TTC7B: variants seen among roughly 807,000 people sequenced by gnomAD.
TTC7B encodes the protein tetratricopeptide repeat protein 7B.
TTC7B carries 28 observed loss-of-function variants against 106.8 expected under a neutral mutation model. The ratio of observed to expected loss-of-function variants is 0.26; its 90% CI spans 0.19 to 0.36. The LOEUF (loss-of-function observed/expected upper bound fraction) is 0.36. TTC7B is among the 10% of genes least tolerant of loss of function. The pLI is 1.00. For synonymous variants in TTC7B, 405 were observed against 430.6 expected (o/e 0.94, Z 0.74); for missense variants, 862 against 1,076.4 (o/e 0.80, Z 2.79).
At chr14:90,795,239 T>G (rs75008131) in intron 1 of TTC7B, among the ~76,000 whole-genome samples, 5 of 150,874 alleles carry the variant, frequency 3.3e-5, no homozygotes, top group Admixed American at 1.3e-4. Context: ...AAAAAAAAAA[T>G]GTTTTCAAGA....
rs1472118064 is a variant in TTC7B, at chr14:90,759,660, C to T, written c.446-14738G>A. ...GAACCAGCTCGTCGGTGAGTGTAGGCAGAAGAGGCATTAGACACAAGAGTA... is the reference window on the plus strand; with the variant it reads ...GAACCAGCTCGTCGGTGAGTGTAGGTAGAAGAGGCATTAGACACAAGAGTA... On this transcript the variant is annotated intron_variant, in intron 3 of 19. Transcript: ENST00000328459. The surrounding 1 kb of genome is among the most constrained non-coding windows in gnomAD (Gnocchi z 4.1). 6.6e-6 allele frequency among the ~76,000 whole-genome samples: 1 copy of T among 152,190 alleles called. No individual in the cohort carries two copies. Among genetic ancestry groups the T allele is most frequent in the Non-Finnish European group, 1.5e-5 (1 of 68,030 alleles).
At chr14:90,736,138 A>G (rs929213878) in intron 4 of TTC7B, among the ~76,000 whole-genome samples, 29 of 150,994 alleles carry the variant, frequency 1.9e-4, no homozygotes, top group Non-Finnish European at 2.5e-4. Flanking sequence ...ATTGAGAAAA[A>G]TTAATTTAGA....
In TTC7B at chr14:90,760,005, G is replaced by A. The variant is rs990654139; in HGVS notation, c.446-15083C>T. The stretch of plus-strand genomic sequence containing the variant: ...ATTTAATGAATTAATTAATTATACA[G>A]TCTAGTTTGAGAGAGGCAAATGGCA... On this transcript the variant is annotated intron_variant, in intron 3 of 19. Transcript: ENST00000328459. Among the ~76,000 whole-genome samples the A allele has an allele frequency of 9.2e-5, 14 of 152,298 alleles. No individual in the cohort carries two copies. The South Asian group carries it at 2.3e-3, about 25-fold the overall frequency.
At chr14:90,812,992 A>G (rs73334512) in intron 1 of TTC7B, among the ~76,000 whole-genome samples, 1,911 of 152,220 alleles carry the variant, frequency 0.013, 56 homozygotes, top group African/African-American at 0.043. Context: ...GAGCTTTGGG[A>G]AGGAGGGATT....
In TTC7B at chr14:90,717,080, C is replaced by T. The variant is rs544225252; in HGVS notation, c.698+12995G>A. ...TCCAGCCAGGCGTGGTGACTCACGC[C>T]TGTAATCCCAGCACTTTGGGAGGCC... On this transcript the variant is annotated intron_variant, in intron 5 of 19. Coordinates refer to ENST00000328459, the MANE Select transcript of TTC7B (RefSeq NM_001010854.2). Among the ~76,000 whole-genome samples, 19 of 152,316 alleles carry T rather than the reference C, an allele frequency of 1.2e-4. No individual in the cohort carries two copies. The East Asian group carries it at 3.5e-3, about 28-fold the overall frequency.
intron 15 of TTC7B, among the ~76,000 whole-genome samples, chr14:90,622,155 T>A (rs1164413050): frequency 1.3e-5 from 2 of 151,554 alleles, no homozygotes; most frequent in Middle Eastern, 3.4e-3. Flanking sequence ...TCCCACTCTG[T>A]TGCCCAGGCT....
At chr14:90,626,593 T>C (rs1393632104) in intron 15 of TTC7B, among the ~76,000 whole-genome samples, 1 of 152,172 alleles carries the variant, frequency 6.6e-6, no homozygotes, top group Non-Finnish European at 1.5e-5. Context: ...GGCTGAGAAC[T>C]CAAATGTCTT....
chr14:90,610,660 C>T, intron 17 of TTC7B, 82 bp downstream of exon 17: 1 of 996,190 alleles, frequency 1.0e-6, no homozygotes, highest in Non-Finnish European at 1.6e-6. Context: ...CCAACCCGAT[C>T]AGTCTCATCC....
chr14:90,635,798 G>A (rs1485380981), intron 15 of TTC7B, among the ~76,000 whole-genome samples: 1 of 145,558 alleles, frequency 6.9e-6, no homozygotes, highest in Non-Finnish European at 1.5e-5. Context: ...ATAATAAGCA[G>A]AAGAGTACAT....
At chr14:90,727,340 G>A (rs1889146816) in intron 5 of TTC7B, among the ~76,000 whole-genome samples, 1 of 152,184 alleles carries the variant, frequency 6.6e-6, no homozygotes, top group African/African-American at 2.4e-5. Flanking sequence ...GTGGTGAAAG[G>A]ACTGGAGCCC....
intron 17 of TTC7B, among the ~76,000 whole-genome samples, chr14:90,607,341 C>CTGTGGCTGTGG (rs1329246258): frequency 3.9e-5 from 6 of 152,156 alleles, no homozygotes; most frequent in Non-Finnish European, 5.9e-5. Flanking sequence ...GGCTGTGCAC[C>CTGTGGCTGTGG]CTCACGGATG....
chr14:90,646,423 T>C (rs1158360582), intron 14 of TTC7B, among the ~76,000 whole-genome samples: 1 of 152,190 alleles, frequency 6.6e-6, no homozygotes, highest in Non-Finnish European at 1.5e-5. Context: ...AAGGAGATAG[T>C]GTTAAGTCCC....
intron 1 of TTC7B, among the ~76,000 whole-genome samples, chr14:90,794,132 G>C (rs1347304988): frequency 1.3e-5 from 2 of 148,992 alleles, no homozygotes; most frequent in Admixed American, 1.3e-4. Flanking sequence ...CAAACTCCTG[G>C]CCTCAAGTGA....
At chr14:90,786,662 C>T (rs1891401748) in intron 1 of TTC7B, among the ~76,000 whole-genome samples, 1 of 152,130 alleles carries the variant, frequency 6.6e-6, no homozygotes, top group South Asian at 2.1e-4. Context: ...TCACCGCAAC[C>T]TCCACCTCCC....
chr14:90,732,553 T>C (rs955430776), intron 4 of TTC7B, among the ~76,000 whole-genome samples: 1 of 152,164 alleles, frequency 6.6e-6, no homozygotes, highest in African/African-American at 2.4e-5. Context: ...AATTCTTGTA[T>C]TTTTTGTAGA....
chr14:90,622,484 C>G (rs1053800722), intron 15 of TTC7B, among the ~76,000 whole-genome samples: 1 of 150,742 alleles, frequency 6.6e-6, no homozygotes, highest in Non-Finnish European at 1.5e-5. Context: ...AATCCCAGCA[C>G]TTTGGGAGCT....
At chr14:90,621,382 G>A (rs969855965) in intron 15 of TTC7B, among the ~76,000 whole-genome samples, 53 of 151,482 alleles carry the variant, frequency 3.5e-4, no homozygotes, top group African/African-American at 1.2e-3. Context: ...ACGCGGGTAC[G>A]GCCGGGACGA....
At chr14:90,659,867 G>A (rs953442921) in intron 9 of TTC7B, among the ~76,000 whole-genome samples, 1 of 152,194 alleles carries the variant, frequency 6.6e-6, no homozygotes, top group Non-Finnish European at 1.5e-5. Flanking sequence ...AGCATGCAGA[G>A]TGAAGACTCT....
At chr14:90,571,550 T>C (rs1891036739) in intron 19 of TTC7B, among the ~76,000 whole-genome samples, 1 of 152,232 alleles carries the variant, frequency 6.6e-6, no homozygotes, top group Non-Finnish European at 1.5e-5. Context: ...AAAACATTTT[T>C]TAATTATGAA....
Sources: gnomAD v4.1 joint callset for allele counts (sites outside exome capture counted in the v4.1 genomes callset) on GRCh38, gnomAD v4.1.1 for gene constraint, Gnocchi (gnomAD v3.1) non-coding constraint, MANE v1.5 for transcripts, NCBI Gene and HGNC (gene_info 2026-07-23, HGNC 2026-07-21) for gene names.